Variants in CA4 observed in about 807,000 individuals in gnomAD.
CA4 encodes carbonic anhydrase 4.
Under a neutral mutation model 34.5 loss-of-function variants are expected in CA4, and 24 were observed. The observed-to-expected ratio is 0.70, with a 90% CI of 0.50 to 0.98. The LOEUF (loss-of-function observed/expected upper bound fraction) is 0.98. CA4 is among the 50% of genes least tolerant of loss of function. The pLI is 0.00. For missense variants in CA4, 394 were observed against 396.7 expected (o/e 0.99, Z 0.06); for synonymous variants, 178 against 170.6 (o/e 1.04, Z -0.34).
chr17:60,178,678 A>G, the CA4 span, among the ~76,000 whole-genome samples: 1 of 152,222 alleles, frequency 6.6e-6, no homozygotes. Context: ...GCAAAAACAA[A>G]AAGCAAGAAA....
chr17:60,168,831 T>G (rs1227304261), intron 5 of CA4, among the ~76,000 whole-genome samples: 2 of 152,080 alleles, frequency 1.3e-5, no homozygotes, highest in African/African-American at 2.4e-5. Context: ...CCATCAGTAC[T>G]TTGAGGGAGA....
downstream of CA4, among the ~76,000 whole-genome samples, chr17:60,160,796 C>T (rs907477103): frequency 1.3e-5 from 2 of 149,396 alleles, no homozygotes; most frequent in Non-Finnish European, 3.0e-5. Context: ...AGGTGGGAAG[C>T]CCTGGGGGAA....
Position 60,157,479 on chromosome 17 carries a change from C to T in CA4, c.321C>T (p.Ala107=), listed in dbSNP as rs943198530. ...KASISGGGLP[A]PYQAKQLHLH... is the part of the protein sequence containing the mutation. ...GCATTTCTGGAGGAGGACTGCCTGC[C>T]CCATACCAGGCCAAACAGTTGCACC... Residue 107 remains alanine, a synonymous_variant, in exon 4 of 8, where the codon GCC becomes GCT. Transcript: ENST00000300900. The T allele has an allele frequency of 1.9e-6, 3 of 1,614,018 alleles. No individual in the cohort carries two copies. The highest frequency in any genetic ancestry group is 2.5e-6 in the Non-Finnish European group (3 of 1,179,992).
At chr17:60,178,918 G>T in the CA4 span, among the ~76,000 whole-genome samples, 1 of 152,124 alleles carries the variant, frequency 6.6e-6, no homozygotes, top group Admixed American at 6.5e-5. Flanking sequence ...TTATGATTAT[G>T]GTAAACTCTA....
intron 5 of CA4, among the ~76,000 whole-genome samples, chr17:60,167,036 A>G (rs1215194104): frequency 1.3e-5 from 2 of 152,242 alleles, no homozygotes; most frequent in Non-Finnish European, 2.9e-5. Context: ...GAGTCCGCAC[A>G]CTTACAATTG....
intron 2 of CA4, 53 bp downstream of exon 2, chr17:60,155,420 A>ACAAAG: frequency 6.8e-7 from 1 of 1,475,896 alleles, no homozygotes; most frequent in Non-Finnish European, 9.3e-7. Context: ...GGCACCACGC[A>ACAAAG]AGCCGAAATG....
chr17:60,156,709 C>G lies in CA4; in HGVS notation c.262C>G (p.His88Asp), dbSNP rs2083691976. The G allele has an allele frequency of 1.2e-6, 2 of 1,613,926 alleles. No individual in the cohort carries two copies. The highest frequency in any genetic ancestry group is 3.3e-5 in the Admixed American group (2 of 60,016). ...KQTWTVQNNG[H>D]SVMMLLENKA... ...AACGTGGACTGTCCAAAATAACGGG[C>G]ACTCAGGTGGGCTGGATGGAGGCCC... Residue 88 changes from histidine (H) to aspartate (D), a missense_variant, in exon 3 of 8, where the codon CAC becomes GAC. His to Asp is a moderately conservative substitution (Grantham distance 81, BLOSUM62 -1). Coordinates refer to ENST00000300900, the MANE Select transcript of CA4 (RefSeq NM_000717.5).
chr17:60,157,298 A>G (rs181534704), intron 3 of CA4, 129 bp from the exon 4 acceptor site: 5,961 of 577,154 alleles, frequency 0.01, 79 homozygotes, highest in Middle Eastern at 0.025. Flanking sequence ...CCACCCCTGC[A>G]GGCCAGAACC....
chr17:60,162,115 C>T (rs2083797529), downstream of CA4, among the ~76,000 whole-genome samples: 1 of 152,108 alleles, frequency 6.6e-6, no homozygotes, highest in Admixed American at 6.5e-5. Context: ...GGGCCTGGGG[C>T]TCTGGCCACC....
downstream of CA4, among the ~76,000 whole-genome samples, chr17:60,171,793 C>T (rs190199550): frequency 1.3e-3 from 203 of 152,278 alleles, 1 homozygote; most frequent in African/African-American, 4.5e-3. Flanking sequence ...AAGAAAGGGT[C>T]GGGTCTCAAT....
At chr17:60,160,799 T>G (rs1597999737), downstream of CA4, among the ~76,000 whole-genome samples, 1 of 142,232 alleles carries the variant, frequency 7.0e-6, no homozygotes, top group South Asian at 2.3e-4. Flanking sequence ...TGGGAAGCCC[T>G]GGGGGAAGGG....
intron 1 of CA4, among the ~76,000 whole-genome samples, chr17:60,153,152 A>G (rs185409569): frequency 4.6e-5 from 7 of 152,138 alleles, no homozygotes; most frequent in African/African-American, 7.2e-5. Context: ...AGCCTGGTCA[A>G]CATGGTGAAA....
chr17:60,169,265 C>CAAAA (rs1567737713), intron 5 of CA4, among the ~76,000 whole-genome samples: 1 of 139,556 alleles, frequency 7.2e-6, no homozygotes, highest in African/African-American at 3.0e-5. Flanking sequence ...AAAAAAAAAG[C>CAAAA]AGCAGCAGCA....
At chr17:60,169,646 G>A (rs896309886) in intron 5 of CA4, among the ~76,000 whole-genome samples, 3 of 152,028 alleles carry the variant, frequency 2.0e-5, no homozygotes, top group African/African-American at 7.2e-5. Context: ...GCGCCACCAT[G>A]CTCAGCTGAT....
intron 5 of CA4, among the ~76,000 whole-genome samples, chr17:60,165,716 A>G (rs1201287871): frequency 6.6e-6 from 1 of 152,142 alleles, no homozygotes; most frequent in Non-Finnish European, 1.5e-5. Context: ...CCCCCAGCAC[A>G]GGATGAGTGC....
chr17:60,157,600 T>C (rs753710473), intron 4 of CA4, 28 bp downstream of exon 4: 1 of 1,614,180 alleles, frequency 6.2e-7, no homozygotes, highest in South Asian at 1.1e-5. Flanking sequence ...ACTGGGACCT[T>C]GTCTGGGCTC....
At chr17:60,153,165 C>T (rs1184758126) in intron 1 of CA4, among the ~76,000 whole-genome samples, 3 of 152,090 alleles carry the variant, frequency 2.0e-5, no homozygotes, top group African/African-American at 7.2e-5. Context: ...TGGTGAAACC[C>T]TGTCTCTACT....
Position 60,157,801 on chromosome 17 carries a change from T to C in CA4, c.513+13T>C, listed in dbSNP as rs1567731254. On this transcript the variant is annotated intron_variant, in intron 5 of 7. Transcript: ENST00000300900. ...CTTTCTGGTGGAGGTGGGACTCCCA[T>C]CCCCCACTTCCCGGGGAACCCGGGG... 6.2e-7 allele frequency: 1 copy of C among 1,600,188 alleles called. No individual in the cohort carries two copies. The highest frequency in any genetic ancestry group is 8.6e-7 in the Non-Finnish European group (1 of 1,167,458).
At chr17:60,162,026 G>T (rs549994868), downstream of CA4, among the ~76,000 whole-genome samples, 4 of 152,190 alleles carry the variant, frequency 2.6e-5, no homozygotes, top group African/African-American at 9.6e-5. Flanking sequence ...AAGGCAGAAG[G>T]TGTTCGACCC....
Sources: gnomAD v4.1 joint callset for allele counts (sites outside exome capture counted in the v4.1 genomes callset) on GRCh38, gnomAD v4.1.1 for gene constraint, MANE v1.5 for transcripts, NCBI Gene and HGNC (gene_info 2026-07-23, HGNC 2026-07-21) for gene names.